DENND1C: variants seen among roughly 807,000 people sequenced by gnomAD.
DENND1C encodes the protein DENN domain-containing protein 1C.
DENND1C carries 64 observed loss-of-function variants against 87.9 expected under a neutral mutation model. That is an observed-to-expected ratio of 0.73 (90% CI 0.60 to 0.90). The LOEUF is 0.90. Ranked by LOEUF, DENND1C falls within the 40% of genes least tolerant of loss-of-function variation. DENND1C has a pLI of 0.00. For missense variants in DENND1C, 980 were observed against 1,037.0 expected (o/e 0.95, Z 0.76); for synonymous variants, 384 against 424.4 (o/e 0.90, Z 1.17).
At position 6,468,581 on chromosome 19, in the gene DENND1C, G is replaced by A. The variant is rs200066938; in HGVS notation, c.1580C>T (p.Ala527Val). 1.0e-4 allele frequency: 160 copies of A among 1,533,252 alleles called. 1 individual carries two copies. The African/African-American group carries it at 1.7e-3, about 16-fold the overall frequency. The allele number at this position is 1,533,252 out of a possible 1,614,324, so 95.0% of individuals were successfully genotyped here. A position where few individuals can be genotyped will look rare whatever the true frequency, so the allele number is the denominator to read the frequency against. Residue 527 changes from alanine to valine, a missense_variant, in exon 21 of 23, where the codon GCG (alanine) becomes GTG (valine). Physicochemically the swap from Ala to Val is moderately conservative, Grantham distance 64 (BLOSUM62 0). Coordinates refer to ENST00000381480, the MANE Select transcript of DENND1C (RefSeq NM_024898.4). Reference sequence around the variant, plus strand: ...TGCTGTTCCCTTTTTGCCTTACCCCGCCCCTGGGGGCTCGGAAGTTCCCTC... The same window carrying A: ...TGCTGTTCCCTTTTTGCCTTACCCCACCCCTGGGGGCTCGGAAGTTCCCTC... ...LEEGTSEPPG[A>V]GTPPLSPEDE...
chr19:6,477,468 A>C lies in DENND1C; in HGVS notation c.367-10T>G. ...CCTCTGCCTCGGTGACCTGGGTGGG[A>C]CGTGGAGGGGCGGGGGTGGCTGAGC... On this transcript the variant is annotated splice_polypyrimidine_tract_variant and intron_variant, in intron 6 of 22. Transcript: ENST00000381480. 1 of 1,550,458 alleles carries C rather than the reference A, an allele frequency of 6.4e-7. No homozygotes were observed.
intron 10 of DENND1C, 59 bp downstream of exon 10, chr19:6,476,798 C>A: frequency 2.6e-6 from 4 of 1,531,968 alleles, no homozygotes; most frequent in Non-Finnish European, 3.5e-6. Flanking sequence ...CCCCTTGTCC[C>A]GCCCCCCGGG....
At position 6,479,251 on chromosome 19, in the gene DENND1C, C is replaced by T. The variant is rs146651603; in HGVS notation, c.177-195G>A. Among the ~76,000 whole-genome samples, 194 of 150,318 alleles carry T rather than the reference C, an allele frequency of 1.3e-3. 3 individuals carry two copies. The highest frequency in any genetic ancestry group is 4.6e-3 in the African/African-American group (184 of 40,272). ...TCCCTGGATCTCTGGGTCCCTGAGT[C>T]CCTGGGTCCCTGGATCTCTGGGTTT... On this transcript the variant is annotated intron_variant, in intron 4 of 22. Coordinates refer to ENST00000381480, the MANE Select transcript of DENND1C (RefSeq NM_024898.4).
chr19:6,477,310 C>T, intron 7 of DENND1C, 27 bp from the exon 8 acceptor site: 2 of 1,603,684 alleles, frequency 1.2e-6, no homozygotes, highest in Admixed American at 3.4e-5. Flanking sequence ...ACTCTGTGGT[C>T]ATGATGGCTG....
intron 18 of DENND1C, 74 bp downstream of exon 18, chr19:6,470,221 T>G: frequency 6.9e-7 from 1 of 1,455,906 alleles, no homozygotes; most frequent in Non-Finnish European, 9.4e-7. Flanking sequence ...ACTCCATCCT[T>G]GGGAGGTCAA....
At chr19:6,475,062 A>AAACAAAC (rs1230708396) in intron 14 of DENND1C, among the ~76,000 whole-genome samples, 2 of 150,026 alleles carry the variant, frequency 1.3e-5, no homozygotes, top group African/African-American at 2.5e-5. Flanking sequence ...ACAAACAAAC[A>AAACAAAC]AACAACAACA....
intron 1 of DENND1C, 63 bp downstream of exon 1, chr19:6,481,616 G>A: frequency 6.2e-7 from 1 of 1,607,452 alleles, no homozygotes; most frequent in Non-Finnish European, 8.5e-7. Flanking sequence ...GCTCCCCTCT[G>A]CCCCGGCTCA....
At chr19:6,468,554 A>G in intron 21 of DENND1C, 24 bp downstream of exon 21, 2 of 1,552,170 alleles carry the variant, frequency 1.3e-6, no homozygotes, top group Non-Finnish European at 1.7e-6. Flanking sequence ...CACTTTCAAC[A>G]CTGCTGTTCC....
Position 6,475,929 on chromosome 19 carries a change from C to T in DENND1C, c.687G>A (p.Ser229=), listed in dbSNP as rs1053092031. 1.3e-6 allele frequency: 2 copies of T among 1,564,048 alleles called. No individual in the cohort carries two copies. The highest frequency in any genetic ancestry group is 2.3e-5 in the East Asian group (1 of 43,448). ...LTASKLSTLT[S]CVHASCALLY... is the part of the protein sequence containing the mutation. ...GGAGCGCGCAGGACGCGTGGACGCACGAGGTCAGCTGGGGAGCGATGGCGG... is the reference window on the plus strand; with the variant it reads ...GGAGCGCGCAGGACGCGTGGACGCATGAGGTCAGCTGGGGAGCGATGGCGG... Residue 229 remains serine, a synonymous_variant, in exon 11 of 23, where the codon TCG becomes TCA. Transcript: ENST00000381480.
chr19:6,475,346 C>T lies in DENND1C; in HGVS notation c.981G>A (p.Gly327=). ...GGGCTTTGAGGAAGAGACGGGACAC[C>T]CCTTCCCCGGGGGCCAGGGCGACCT... The part of the protein sequence containing the change: ...LRKVALAPGE[G]VSRLFLKAQA... Residue 327 remains glycine, a synonymous_variant, in exon 14 of 23, where the codon GGG becomes GGA. Transcript: ENST00000381480. 1.2e-6 allele frequency: 2 copies of T among 1,612,842 alleles called. No individual in the cohort carries two copies. Among genetic ancestry groups the T allele is most frequent in the African/African-American group, 1.3e-5 (1 of 75,046 alleles).
Position 6,477,248 on chromosome 19 carries a change from G to GA in DENND1C, c.482dup (p.Thr165TyrfsTer5), listed in dbSNP as rs775516798. The GA allele has an allele frequency of 3.2e-6, 5 of 1,583,862 alleles. No homozygotes were observed. The highest frequency in any genetic ancestry group is 3.6e-5 in the Admixed American group (2 of 55,350). On this transcript the variant is annotated frameshift_variant, in exon 8 of 23. Transcript: ENST00000381480. LOFTEE classifies it high-confidence loss of function. Reference sequence around the variant, plus strand: ...TGCTATTCCCCCGGGTAGGGGGGGGGATACCCTGCCCGCTGGAGACCGTCA... The same window carrying GA: ...TGCTATTCCCCCGGGTAGGGGGGGGGAATACCCTGCCCGCTGGAGACCGTCA...
rs963004937 is a variant in DENND1C at position 6,472,870 on chromosome 19, C to A, written c.1158+19G>T. On this transcript the variant is annotated intron_variant, in intron 15 of 22. Transcript: ENST00000381480. ...AGTCCACCTCCAGTCCCAGCTGGAC[C>A]CTCAGGGCTCTGGCATACCTGTTTG... is the stretch of plus-strand genomic sequence containing the variant. 2 of 1,493,076 alleles carry A rather than the reference C, an allele frequency of 1.3e-6. No individual in the cohort carries two copies. The highest frequency in any genetic ancestry group is 1.8e-6 in the Non-Finnish European group (2 of 1,121,734). The allele number at this position is 1,493,076 out of a possible 1,614,324, so 92.5% of individuals were successfully genotyped here.
intron 1 of DENND1C, chr19:6,480,385 A>C: frequency 1.6e-6 from 2 of 1,228,770 alleles, no homozygotes; most frequent in South Asian, 1.9e-5. Flanking sequence ...ACTGTCTCCT[A>C]TATCTGTGGC....
At chr19:6,473,619 C>A (rs12975346) in intron 14 of DENND1C, among the ~76,000 whole-genome samples, 1 of 151,360 alleles carries the variant, frequency 6.6e-6, no homozygotes, top group South Asian at 2.1e-4. Context: ...CACAGGTGCA[C>A]GCCACTGCGC....
intron 19 of DENND1C, among the ~76,000 whole-genome samples, chr19:6,469,257 C>T (rs2092814662): frequency 6.6e-6 from 1 of 152,152 alleles, no homozygotes. Context: ...TCTAGAACTC[C>T]TGACCTCAAG....
Position 6,479,344 on chromosome 19 carries a change from A to T in DENND1C, c.177-288T>A, listed in dbSNP as rs182871071. Among the ~76,000 whole-genome samples the T allele has an allele frequency of 2.4e-3, 337 of 137,772 alleles. 8 individuals carry two copies. Among genetic ancestry groups the T allele is most frequent in the African/African-American group, 0.011 (328 of 29,202 alleles). 90.4% of individuals were successfully genotyped at this position (137,772 alleles called of 152,430 possible). Reference sequence around the variant, plus strand: ...CAGTCCCTGAGTCCCTGAGTCCCTGAGTCCCTGGTCCCTGAGTTTCTGAGT... The same window carrying T: ...CAGTCCCTGAGTCCCTGAGTCCCTGTGTCCCTGGTCCCTGAGTTTCTGAGT... On this transcript the variant is annotated intron_variant, in intron 4 of 22. Coordinates refer to ENST00000381480, the MANE Select transcript of DENND1C (RefSeq NM_024898.4).
At chr19:6,476,459 G>A (rs12983560) in intron 10 of DENND1C, 98,541 of 180,634 alleles carry the variant, frequency 0.55, 28,324 homozygotes, top group Non-Finnish European at 0.64. Flanking sequence ...TGTTATCTGA[G>A]TCCCTGTGTT....
chr19:6,476,926 G>A lies in DENND1C; in HGVS notation c.609C>T (p.Asn203=). ...GGAGCGCCGCGAACAGCCCCACGAT[G>A]TTCTCGTCAGTCACGGCCACCACCA... ...TELVVAVTDE[N]IVGLFAALLA... Residue 203 remains asparagine, a synonymous_variant, in exon 10 of 23, where the codon AAC becomes AAT. Transcript: ENST00000381480. 5 of 1,613,610 alleles carry A rather than the reference G, an allele frequency of 3.1e-6. No individual in the cohort carries two copies. Among genetic ancestry groups the A allele is most frequent in the Non-Finnish European group, 4.2e-6 (5 of 1,179,798 alleles).
rs200632898 is a variant in DENND1C at position 6,468,835 on chromosome 19, G to A, written c.1515+11C>T. The A allele has an allele frequency of 6.0e-6, 9 of 1,504,970 alleles. No individual in the cohort carries two copies. In the East Asian group the frequency reaches 2.1e-4, roughly 35 times the overall value. The allele number at this position is 1,504,970 out of a possible 1,614,324, so 93.2% of individuals were successfully genotyped here. On this transcript the variant is annotated intron_variant, in intron 20 of 22. Coordinates refer to ENST00000381480, the MANE Select transcript of DENND1C (RefSeq NM_024898.4). ...TTCCAGGTGTGTGCATGGGGGGAGG[G>A]GCGCTCTCACCTTTCCAAAGTGCTG...
Sources: gnomAD v4.1 joint callset for allele counts (sites outside exome capture counted in the v4.1 genomes callset) on GRCh38, gnomAD v4.1.1 for gene constraint, MANE v1.5 for transcripts, NCBI Gene and HGNC (gene_info 2026-07-23, HGNC 2026-07-21) for gene names.